PDE4D: variants seen among roughly 807,000 people sequenced by gnomAD.
PDE4D encodes 3',5'-cyclic-AMP phosphodiesterase 4D.
PDE4D carries 24 observed loss-of-function variants against 87.4 expected under a neutral mutation model. That is an observed-to-expected ratio of 0.27 (90% CI 0.20 to 0.39). The LOEUF (loss-of-function observed/expected upper bound fraction) is 0.39. Ranked by LOEUF, PDE4D falls within the 10% of genes least tolerant of loss-of-function variation. The pLI, the probability that PDE4D is intolerant of heterozygous loss-of-function variation, is 1.00. For synonymous variants in PDE4D, 384 were observed against 383.2 expected (o/e 1.00, Z -0.02); for missense variants, 714 against 1,041.0 (o/e 0.69, Z 4.32).
intron 1 of PDE4D, among the ~76,000 whole-genome samples, chr5:59,567,618 T>TA (rs1295801122): frequency 1.3e-5 from 2 of 152,114 alleles, no homozygotes; most frequent in African/African-American, 4.8e-5. Flanking sequence ...GTTTGCAGGG[T>TA]AAAAAACATT....
chr5:59,130,641 A>G (rs1476432337), intron 5 of PDE4D, among the ~76,000 whole-genome samples: 2 of 152,234 alleles, frequency 1.3e-5, no homozygotes, highest in Non-Finnish European at 2.9e-5. Context: ...CATATGATTC[A>G]GGGAAACCCA....
chr5:59,284,597 C>T (rs1377798973), intron 1 of PDE4D, among the ~76,000 whole-genome samples: 1 of 144,158 alleles, frequency 6.9e-6, no homozygotes, highest in Non-Finnish European at 1.5e-5. Context: ...AATAGGAACA[C>T]TTTTACACTG....
intron 3 of PDE4D, among the ~76,000 whole-genome samples, chr5:59,971,553 G>A (rs575300902): frequency 1.4e-4 from 21 of 151,282 alleles, no homozygotes; most frequent in South Asian, 8.3e-4. Context: ...GGAGTCCATT[G>A]TAAGCCTACC....
rs900121650 is a variant in PDE4D at position 59,336,714 on chromosome 5, G to C, written c.456-120746C>G. On this transcript the variant is annotated intron_variant, in intron 1 of 14. Transcript: ENST00000340635. ...ATGGAAAATGCCTAGCAAAAGTCCA[G>C]GCTTATAGTATGAGCTAATTAATAT... Among the ~76,000 whole-genome samples the C allele has an allele frequency of 3.9e-5, 6 of 152,256 alleles. No homozygotes were observed. The East Asian group carries it at 9.6e-4, about 24-fold the overall frequency.
At chr5:59,251,362 G>T (rs1300248853) in intron 1 of PDE4D, among the ~76,000 whole-genome samples, 1 of 151,986 alleles carries the variant, frequency 6.6e-6, no homozygotes, top group Non-Finnish European at 1.5e-5. Context: ...TTAAAAGGTG[G>T]GCAAAAGACA....
At chr5:59,779,162 G>A (rs1435675040) in intron 1 of PDE4D, among the ~76,000 whole-genome samples, 2 of 149,964 alleles carry the variant, frequency 1.3e-5, no homozygotes, top group Non-Finnish European at 3.0e-5. Context: ...ACTCTGTCTC[G>A]GAAAAAAAAA....
intron 1 of PDE4D, among the ~76,000 whole-genome samples, chr5:59,458,816 T>C (rs1800308657): frequency 1.3e-5 from 2 of 152,328 alleles, no homozygotes; most frequent in African/African-American, 4.8e-5. Flanking sequence ...TGAAATCTGA[T>C]TGCTTGCACT....
intron 1 of PDE4D, among the ~76,000 whole-genome samples, chr5:60,377,505 T>C (rs1217111127): frequency 6.6e-6 from 1 of 152,192 alleles, no homozygotes; most frequent in African/African-American, 2.4e-5. Flanking sequence ...TATTGTTTAT[T>C]AGCCAAAACA....
intron 1 of PDE4D, among the ~76,000 whole-genome samples, chr5:59,499,638 T>C (rs181652688): frequency 2.4e-3 from 370 of 152,180 alleles, no homozygotes; most frequent in Admixed American, 4.8e-3. Context: ...GAGACTACTA[T>C]GTACATCTCT....
At chr5:59,960,214 C>T (rs767264099) in intron 3 of PDE4D, among the ~76,000 whole-genome samples, 5 of 151,934 alleles carry the variant, frequency 3.3e-5, no homozygotes, top group Non-Finnish European at 7.4e-5. Flanking sequence ...GTTGGCGAGA[C>T]GGTAGAGAAA....
chr5:60,032,410 C>T (rs1471896621), intron 2 of PDE4D, among the ~76,000 whole-genome samples: 1 of 152,152 alleles, frequency 6.6e-6, no homozygotes, highest in Non-Finnish European at 1.5e-5. Context: ...TCTTTGTTAA[C>T]TTCTCTCTTT....
chr5:59,946,358 A>G (rs1306098819), intron 3 of PDE4D, among the ~76,000 whole-genome samples: 1 of 152,220 alleles, frequency 6.6e-6, no homozygotes, highest in East Asian at 1.9e-4. Flanking sequence ...AAAACTTCCC[A>G]TGTTCAGCAA....
At chr5:59,316,099 G>A (rs1379836456) in intron 1 of PDE4D, among the ~76,000 whole-genome samples, 3 of 152,168 alleles carry the variant, frequency 2.0e-5, no homozygotes, top group Non-Finnish European at 4.4e-5. Context: ...ACTGAGGGCC[G>A]TAGACCCTGC....
intron 1 of PDE4D, among the ~76,000 whole-genome samples, chr5:60,413,903 G>T (rs1197743561): frequency 6.6e-6 from 1 of 152,084 alleles, no homozygotes; most frequent in African/African-American, 2.4e-5. Context: ...TTTTCTTGCT[G>T]CTTTATCAGA....
At chr5:59,858,891 A>C (rs1055124055) in intron 1 of PDE4D, among the ~76,000 whole-genome samples, 35 of 152,254 alleles carry the variant, frequency 2.3e-4, no homozygotes, top group South Asian at 1.7e-3. Flanking sequence ...AACAAGAATG[A>C]ATGTAAGTTT....
chr5:59,979,444 T>G (rs201312765), intron 3 of PDE4D, among the ~76,000 whole-genome samples: 1 of 45,410 alleles, frequency 2.2e-5, no homozygotes, highest in Non-Finnish European at 7.6e-5. Context: ...GTGTGTGTGT[T>G]TATGATAACA....
At chr5:59,322,192 G>A (rs1003174946) in intron 1 of PDE4D, among the ~76,000 whole-genome samples, 1 of 152,116 alleles carries the variant, frequency 6.6e-6, no homozygotes, top group Non-Finnish European at 1.5e-5. Flanking sequence ...AAGTGTGCTG[G>A]ATTTTTGGAA....
intron 1 of PDE4D, among the ~76,000 whole-genome samples, chr5:60,248,497 T>C (rs1036878863): frequency 2.4e-4 from 36 of 152,014 alleles, no homozygotes; most frequent in African/African-American, 8.5e-4. Flanking sequence ...TTTTCAAGGA[T>C]GTGGAGGCCA....
At chr5:59,275,907 G>A in intron 1 of PDE4D, 1 of 985,328 alleles carries the variant, frequency 1.0e-6, no homozygotes, top group Non-Finnish European at 1.2e-6. Flanking sequence ...ACTCCTCTCC[G>A]TGGAGCAAAG....
Sources: allele counts gnomAD v4.1 joint callset (sites outside exome capture counted in the v4.1 genomes callset), GRCh38; gene constraint gnomAD v4.1.1; transcripts MANE v1.5; gene names NCBI Gene and HGNC (gene_info 2026-07-23, HGNC 2026-07-21).